Variants in TTC7A observed in about 807,000 individuals in gnomAD.
TTC7A encodes the protein tetratricopeptide repeat domain 7A, also known as tetratricopeptide repeat protein 7A.
Under a neutral mutation model 103.7 loss-of-function variants are expected in TTC7A, and 110 were observed. The ratio of observed to expected loss-of-function variants is 1.06; its 90% CI spans 0.91 to 1.24. TTC7A has a LOEUF of 1.24. TTC7A is among the 50% of genes most tolerant of loss of function. The probability of loss-of-function intolerance (pLI) is 0.00; values close to 1 mark genes in which losing one functional copy is unlikely to be tolerated. For missense variants in TTC7A, 1,340 were observed against 1,116.3 expected, an observed-to-expected ratio of 1.20 and a Z score of -2.86; for synonymous variants, 521 against 467.9, an observed-to-expected ratio of 1.11 and a Z score of -1.47.
chr2:46,917,605 T>C lies in TTC7A; in HGVS notation c.82+328T>C, dbSNP rs1668880962. Among the ~76,000 whole-genome samples the C allele has an allele frequency of 2.6e-5, 4 of 152,208 alleles. No homozygotes were observed. The South Asian group carries it at 8.3e-4, about 31-fold the overall frequency. ...TCCTCATTCTAGCCAGTGCTTTCAT[T>C]TTTTTCCTATGGATGTTATCCTGTG... is the stretch of plus-strand genomic sequence containing the variant. On this transcript the variant is annotated intron_variant, in intron 2 of 20. Coordinates refer to the TTC7A transcript ENST00000409245.
rs116254523 is a variant in TTC7A at position 47,002,399 on chromosome 2, T to A, written c.1066-3523T>A. On this transcript the variant is annotated intron_variant, in intron 8 of 19. Transcript: ENST00000319190. ...AAGATTTAATGTTCATGTATTACTT[T>A]AAGGGTCACAAGTGCATTCACATCT... Among the ~76,000 whole-genome samples, 1,062 of 152,248 alleles carry A rather than the reference T, an allele frequency of 7.0e-3. 13 individuals carry two copies. Among genetic ancestry groups the A allele is most frequent in the African/African-American group, 0.024 (1,006 of 41,520 alleles).
intron 18 of TTC7A, among the ~76,000 whole-genome samples, chr2:47,055,980 C>G (rs1012307600): frequency 1.3e-5 from 2 of 152,220 alleles, no homozygotes; most frequent in Non-Finnish European, 2.9e-5. Context: ...TTCCCACGTC[C>G]TCCTCTTCCC....
intron 2 of TTC7A, among the ~76,000 whole-genome samples, chr2:46,950,934 G>A (rs1184107273): frequency 6.6e-6 from 1 of 152,202 alleles, no homozygotes; most frequent in Non-Finnish European, 1.5e-5. Flanking sequence ...TACACATGTG[G>A]TTCACATTTG....
intron 15 of TTC7A, among the ~76,000 whole-genome samples, chr2:47,042,194 A>T (rs1437976927): frequency 1.3e-5 from 2 of 152,152 alleles, no homozygotes; most frequent in Non-Finnish European, 2.9e-5. Flanking sequence ...ACTAATGTAG[A>T]TTTCCCTGAG....
At chr2:47,016,802 G>A (rs1321102280) in intron 11 of TTC7A, among the ~76,000 whole-genome samples, 1 of 152,224 alleles carries the variant, frequency 6.6e-6, no homozygotes, top group African/African-American at 2.4e-5. Flanking sequence ...CTGGAGTAGA[G>A]CAGAAGGGCA....
chr2:47,071,706 C>A (rs193066979), intron 19 of TTC7A, among the ~76,000 whole-genome samples: 95 of 152,312 alleles, frequency 6.2e-4, no homozygotes, highest in Middle Eastern at 3.4e-3. Context: ...CAGACACACA[C>A]AGGAAGTTAC....
At chr2:46,959,134 C>G (rs1360475565) in intron 3 of TTC7A, among the ~76,000 whole-genome samples, 1 of 152,138 alleles carries the variant, frequency 6.6e-6, no homozygotes, top group South Asian at 2.1e-4. Flanking sequence ...TGCTGAGAAT[C>G]CTAGGATGAA....
chr2:46,933,121 T>C (rs964119698), intron 2 of TTC7A, among the ~76,000 whole-genome samples: 61 of 152,036 alleles, frequency 4.0e-4, no homozygotes, highest in African/African-American at 1.4e-3. Flanking sequence ...CTGGGCAAGA[T>C]GGAGAAATCA....
intron 18 of TTC7A, among the ~76,000 whole-genome samples, chr2:47,058,512 G>T (rs1683503916): frequency 1.3e-5 from 2 of 152,196 alleles, no homozygotes; most frequent in Admixed American, 6.5e-5. Context: ...CTTCCCTTGG[G>T]CATCTCTGTT....
intron 5 of TTC7A, among the ~76,000 whole-genome samples, chr2:46,980,626 C>G (rs1327749731): frequency 6.6e-6 from 1 of 152,186 alleles, no homozygotes; most frequent in Admixed American, 6.5e-5. Context: ...AAATTCACCT[C>G]TGATGCTAAC....
intron 14 of TTC7A, among the ~76,000 whole-genome samples, chr2:47,026,008 C>G (rs532612903): frequency 6.6e-6 from 1 of 152,196 alleles, no homozygotes; most frequent in Non-Finnish European, 1.5e-5. Flanking sequence ...GTTATTCATC[C>G]CTCTCTGATG....
intron 15 of TTC7A, among the ~76,000 whole-genome samples, chr2:47,038,659 C>T (rs368080548): frequency 3.7e-5 from 3 of 80,080 alleles, no homozygotes; most frequent in Admixed American, 2.1e-4. Context: ...CCCACCCCCC[C>T]GACACACAGA....
chr2:47,011,356 G>T lies in TTC7A; in HGVS notation c.1313G>T (p.Arg438Leu). Reference sequence around the variant, plus strand: ...TCAGCCTACGCTGTGTCCCTGCTGCGGGAGTGTGTGAAGTTGCGGCCCTCG... The same window carrying T: ...TCAGCCTACGCTGTGTCCCTGCTGCTGGAGTGTGTGAAGTTGCGGCCCTCG... ...GKSAYAVSLL[R>L]ECVKLRPSDP... Residue 438 changes from arginine (R) to leucine (L), a missense_variant, in exon 11 of 20, where the codon CGG becomes CTG. Arg to Leu is a moderately radical substitution (Grantham distance 102, BLOSUM62 -2). Coordinates refer to ENST00000319190, the MANE Select transcript of TTC7A (RefSeq NM_020458.4). The T allele has an allele frequency of 1.2e-6, 2 of 1,613,288 alleles. No individual in the cohort carries two copies. Among genetic ancestry groups the T allele is most frequent in the Non-Finnish European group, 1.7e-6 (2 of 1,179,890 alleles).
chr2:46,994,180 T>C (rs565748344), intron 6 of TTC7A, 177 bp from the exon 7 acceptor site: 88 of 667,582 alleles, frequency 1.3e-4, no homozygotes, highest in Admixed American at 3.0e-4. Context: ...GGAGCGCCAG[T>C]GTTGGAGGGA....
At chr2:46,931,416 T>C (rs1439053813) in intron 2 of TTC7A, among the ~76,000 whole-genome samples, 1 of 152,238 alleles carries the variant, frequency 6.6e-6, no homozygotes, top group Non-Finnish European at 1.5e-5. Context: ...AAAAGGACTT[T>C]GCAGAGGTGA....
intron 3 of TTC7A, among the ~76,000 whole-genome samples, chr2:46,967,223 T>A (rs1672940070): frequency 6.6e-6 from 1 of 151,872 alleles, no homozygotes; most frequent in African/African-American, 2.4e-5. Flanking sequence ...AAAAAAAAAA[T>A]GTGTTAAATA....
intron 1 of TTC7A, among the ~76,000 whole-genome samples, chr2:46,949,253 T>G (rs1339054333): frequency 1.3e-5 from 2 of 152,160 alleles, no homozygotes; most frequent in South Asian, 2.1e-4. Flanking sequence ...TTTTATTTTT[T>G]GAGACAGAAT....
chr2:46,929,928 CA>C (rs1302580420), intron 2 of TTC7A, among the ~76,000 whole-genome samples: 1 of 152,126 alleles, frequency 6.6e-6, no homozygotes, highest in Non-Finnish European at 1.5e-5. Context: ...TGATAATTGT[CA>C]ATGTTTTAGA....
chr2:47,054,919 A>G (rs1000525379), intron 18 of TTC7A, among the ~76,000 whole-genome samples: 4 of 151,916 alleles, frequency 2.6e-5, no homozygotes, highest in Non-Finnish European at 4.4e-5. Context: ...CGCCACGGCC[A>G]GGAAAGGAAC....
Sources: allele counts gnomAD v4.1 joint callset (sites outside exome capture counted in the v4.1 genomes callset), GRCh38; gene constraint gnomAD v4.1.1; transcripts MANE v1.5; gene names NCBI Gene and HGNC (gene_info 2026-07-23, HGNC 2026-07-21).